The following STEAP3 variants were observed in gnomAD, a reference collection of about 807,000 sequenced individuals.
The protein encoded by STEAP3 is STEAP3 metalloreductase, also known as metalloreductase STEAP3.
Under a neutral mutation model 34.9 loss-of-function variants are expected in STEAP3, and 35 were observed. That is an observed-to-expected ratio of 1.00 (90% CI 0.76 to 1.33). STEAP3 has a LOEUF of 1.33. STEAP3 is among the 40% of genes most tolerant of loss of function. STEAP3 has a pLI of 0.00. For missense variants in STEAP3, 652 were observed against 667.6 expected, an observed-to-expected ratio of 0.98 and a Z score of 0.26; for synonymous variants, 281 against 301.6, an observed-to-expected ratio of 0.93 and a Z score of 0.71.
At chr2:119,246,204 A>G (rs10188946) in intron 3 of STEAP3, 263,820 of 638,856 alleles carry the variant, frequency 0.41, 58,239 homozygotes, top group East Asian at 0.67. Flanking sequence ...CCCAGTTCCT[A>G]TGGATCTGAA....
At chr2:119,234,640 C>T (rs901357395) in intron 2 of STEAP3, among the ~76,000 whole-genome samples, 1 of 152,228 alleles carries the variant, frequency 6.6e-6, no homozygotes, top group Non-Finnish European at 1.5e-5. Context: ...ACAGCAGGTA[C>T]TCTGGGAATA....
intron 5 of STEAP3, among the ~76,000 whole-genome samples, chr2:119,259,799 T>C (rs934587137): frequency 2.0e-5 from 3 of 152,104 alleles, no homozygotes; most frequent in Admixed American, 1.3e-4. Context: ...TTGCTGCACC[T>C]CCTGGGAAAG....
At chr2:119,252,326 C>T (rs914268427) in intron 4 of STEAP3, among the ~76,000 whole-genome samples, 38 of 152,216 alleles carry the variant, frequency 2.5e-4, no homozygotes, top group African/African-American at 7.7e-4. Context: ...GCAGAGTCAG[C>T]GTCAGAATCC....
chr2:119,224,026 G>C (rs982052575), intron 1 of STEAP3, 138 bp downstream of exon 1: 4 of 152,280 alleles, frequency 2.6e-5, no homozygotes, highest in African/African-American at 9.6e-5. Context: ...TCTGTCCCCT[G>C]GGACCGAGCC....
At chr2:119,251,635 T>A (rs190069209) in intron 4 of STEAP3, among the ~76,000 whole-genome samples, 1 of 152,300 alleles carries the variant, frequency 6.6e-6, no homozygotes, top group Non-Finnish European at 1.5e-5. Flanking sequence ...ATGTCACTGC[T>A]GAAAAGATCC....
chr2:119,231,164 T>C, intron 2 of STEAP3, 130 bp downstream of exon 2: 1 of 1,184,792 alleles, frequency 8.4e-7, no homozygotes, highest in Non-Finnish European at 1.2e-6. Flanking sequence ...TCCGAGGAAC[T>C]CGACACCTCC....
At chr2:119,251,518 C>A (rs1264660052) in intron 4 of STEAP3, among the ~76,000 whole-genome samples, 1 of 152,136 alleles carries the variant, frequency 6.6e-6, no homozygotes, top group African/African-American at 2.4e-5. Context: ...AAATGTTTAA[C>A]CTGCACACTG....
At chr2:119,225,445 C>G (rs55977027) in intron 1 of STEAP3, among the ~76,000 whole-genome samples, 1,952 of 152,340 alleles carry the variant, frequency 0.013, 20 homozygotes, top group Non-Finnish European at 0.022. Flanking sequence ...ACTTGTCCAC[C>G]TGGGGGTTGA....
At chr2:119,237,882 CT>C (rs1407219083) in intron 2 of STEAP3, among the ~76,000 whole-genome samples, 1 of 152,190 alleles carries the variant, frequency 6.6e-6, no homozygotes, top group African/African-American at 2.4e-5. Flanking sequence ...CTTTCTGTCT[CT>C]ATTGATTTGT....
intron 1 of STEAP3, among the ~76,000 whole-genome samples, 199 bp downstream of exon 1, chr2:119,224,087 G>A (rs1405750306): frequency 6.6e-6 from 1 of 152,224 alleles, no homozygotes; most frequent in African/African-American, 2.4e-5. Context: ...CACCCCGTGT[G>A]CCTTCCTTCC....
rs141153214 is a variant in STEAP3 at position 119,245,547 on chromosome 2, C to T, written c.81C>T (p.Ser27=). 71 of 1,601,790 alleles carry T rather than the reference C, an allele frequency of 4.4e-5. No individual in the cohort carries two copies. Among genetic ancestry groups the T allele is most frequent in the East Asian group, 9.0e-5 (4 of 44,482 alleles). Residue 27 remains serine (S), a synonymous_variant, in exon 3 of 6, where the codon AGC becomes AGT. Transcript: ENST00000393110. Reference sequence around the variant, plus strand: ...TGATCAGCCTCCACCTGGTGGACAGCGATAGTAGCCTTGCCAAGGTCCCCG... The same window carrying T: ...TGATCAGCCTCCACCTGGTGGACAGTGATAGTAGCCTTGCCAAGGTCCCCG... ...KPLISLHLVD[S]DSSLAKVPDE...
At chr2:119,234,800 T>C (rs910221246) in intron 2 of STEAP3, among the ~76,000 whole-genome samples, 8 of 152,190 alleles carry the variant, frequency 5.3e-5, no homozygotes, top group Non-Finnish European at 1.0e-4. Context: ...ATAGGGACCC[T>C]AGGGCTTGAG....
chr2:119,239,609 T>C (rs994483248), intron 2 of STEAP3, among the ~76,000 whole-genome samples: 3 of 152,190 alleles, frequency 2.0e-5, no homozygotes, highest in African/African-American at 7.2e-5. Flanking sequence ...TTGGGCCCCG[T>C]TTGCTCAATG....
intron 2 of STEAP3, among the ~76,000 whole-genome samples, chr2:119,231,385 T>TGTGTGTGTGTGTGTG (rs1553437422): frequency 2.4e-5 from 2 of 85,050 alleles, no homozygotes; most frequent in East Asian, 3.9e-4. Context: ...GTGTGTGTGT[T>TGTGTGTGTGTGTGTG]TAAGGATGTT....
intron 1 of STEAP3, among the ~76,000 whole-genome samples, chr2:119,226,576 G>A (rs1364508386): frequency 6.6e-6 from 1 of 152,118 alleles, no homozygotes; most frequent in Non-Finnish European, 1.5e-5. Flanking sequence ...GAGGAGAGGG[G>A]CAGGGATCGG....
Position 119,247,754 on chromosome 2 carries a change from G to A in STEAP3, c.598G>A (p.Val200Met), listed in dbSNP as rs201076547. 1.7e-4 allele frequency: 278 copies of A among 1,602,874 alleles called. No individual in the cohort carries two copies. The highest frequency in any genetic ancestry group is 6.5e-4 in the Admixed American group (39 of 59,696). The change falls in exon 4 of 6, where the codon GTG becomes ATG. Residue 200 changes from valine to methionine, a missense_variant. Val to Met is a conservative substitution (Grantham distance 21, BLOSUM62 1). Coordinates refer to ENST00000393110, the MANE Select transcript of STEAP3 (RefSeq NM_182915.3). The part of the protein sequence containing the change: ...EMALAMGFMP[V>M]DMGSLASAWE... ...GGCGCTCGCCATGGGCTTCATGCCC[G>A]TGGACATGGGATCCCTGGCGTCAGC...
At chr2:119,254,048 T>C (rs898875149) in intron 4 of STEAP3, among the ~76,000 whole-genome samples, 1 of 148,020 alleles carries the variant, frequency 6.8e-6, no homozygotes, top group Non-Finnish European at 1.5e-5. Context: ...GGTCGGGGAG[T>C]GTTGGGGGCT....
intron 1 of STEAP3, among the ~76,000 whole-genome samples, chr2:119,224,157 G>A (rs1678960300): frequency 6.6e-6 from 1 of 152,216 alleles, no homozygotes; most frequent in African/African-American, 2.4e-5. Flanking sequence ...GACAGTGGCG[G>A]GGAGCAGGCT....
At chr2:119,261,840 C>A (rs1266575476) in intron 5 of STEAP3, among the ~76,000 whole-genome samples, 1 of 152,212 alleles carries the variant, frequency 6.6e-6, no homozygotes, top group Non-Finnish European at 1.5e-5. Context: ...GGTGGATCAG[C>A]CACTCTCGGC....
Sources: allele counts gnomAD v4.1 joint callset (sites outside exome capture counted in the v4.1 genomes callset), GRCh38; gene constraint gnomAD v4.1.1; transcripts MANE v1.5; gene names NCBI Gene and HGNC (gene_info 2026-07-23, HGNC 2026-07-21).